MYO5B: variants seen among roughly 807,000 people sequenced by gnomAD.
The protein encoded by MYO5B is unconventional myosin-Vb.
MYO5B carries 143 observed loss-of-function variants against 229.3 expected under a neutral mutation model. That is an observed-to-expected ratio of 0.62 (90% CI 0.54 to 0.72). The LOEUF is 0.72. Among genes scored for constraint, MYO5B ranks in the 30% least tolerant of loss-of-function variants. The pLI is 0.00. For missense variants in MYO5B, 2,321 were observed against 2,331.0 expected, an observed-to-expected ratio of 1.00 and a Z score of 0.09; for synonymous variants, 918 against 885.2, an observed-to-expected ratio of 1.04 and a Z score of -0.66.
At chr18:49,859,950 G>A (rs1045169081) in intron 29 of MYO5B, among the ~76,000 whole-genome samples, 3 of 152,178 alleles carry the variant, frequency 2.0e-5, no homozygotes, top group African/African-American at 7.2e-5. Context: ...CACAGTCTCC[G>A]CTGTCCCGGA....
At chr18:49,946,274 A>T (rs1466355805) in intron 14 of MYO5B, 1 of 152,118 alleles carries the variant, frequency 6.6e-6, no homozygotes, top group Non-Finnish European at 1.5e-5. Context: ...AAAATCCAAA[A>T]TGCAAAAATA....
Position 49,990,477 on chromosome 18 carries a change from G to T in MYO5B, c.800C>A (p.Ala267Asp). 6.2e-7 allele frequency: 1 copy of T among 1,613,880 alleles called. No individual in the cohort carries two copies. Among genetic ancestry groups the T allele is most frequent in the Non-Finnish European group, 8.5e-7 (1 of 1,179,830 alleles). Residue 267 changes from alanine (A) to aspartate (D), a missense_variant, in exon 7 of 40, where the codon GCT becomes GAT. This residue lies in a region of MYO5B where 2,113 missense variants were observed against 2,044.7 expected (regional missense o/e 1.03). Coordinates refer to ENST00000285039, the MANE Select transcript of MYO5B (RefSeq NM_001080467.3). ...TTTAAATTCTGGAAGACCGGCAGCA[G>T]CACAGAGCTGGTAAAAGATGTGGTA... ...RNYHIFYQLC[A>D]AAGLPEFKEL...
intron 14 of MYO5B, among the ~76,000 whole-genome samples, chr18:49,938,768 T>C (rs1186578051): frequency 6.6e-6 from 1 of 152,188 alleles, no homozygotes; most frequent in Non-Finnish European, 1.5e-5. Flanking sequence ...CCTGCCTCTA[T>C]ACCTTTGCTT....
At chr18:50,183,445 G>A (rs771873582) in intron 1 of MYO5B, among the ~76,000 whole-genome samples, 25 of 150,672 alleles carry the variant, frequency 1.7e-4, no homozygotes, top group Non-Finnish European at 3.7e-4. Context: ...CTGGGCCTTT[G>A]ACTAAACAAG....
At chr18:49,919,933 G>A (rs1429437816) in intron 17 of MYO5B, among the ~76,000 whole-genome samples, 1 of 152,168 alleles carries the variant, frequency 6.6e-6, no homozygotes, top group Non-Finnish European at 1.5e-5. Context: ...CTGATGAACA[G>A]ATAATATAAA....
At chr18:49,941,864 T>C (rs1049014565) in intron 14 of MYO5B, among the ~76,000 whole-genome samples, 678 of 120,692 alleles carry the variant, frequency 5.6e-3, no homozygotes, top group Middle Eastern at 7.4e-3. Context: ...GAGCCCGCAT[T>C]GCCAAGTCAA....
intron 7 of MYO5B, 25 bp from the exon 8 acceptor site, chr18:49,984,850 A>G (rs1464230044): frequency 8.1e-6 from 12 of 1,480,960 alleles, no homozygotes; most frequent in Non-Finnish European, 1.1e-5. Flanking sequence ...GAAATAAGGC[A>G]TGAGGCACTG....
chr18:50,111,569 C>T (rs1213459620), intron 1 of MYO5B, among the ~76,000 whole-genome samples: 2 of 152,158 alleles, frequency 1.3e-5, no homozygotes, highest in Non-Finnish European at 2.9e-5. Context: ...AAACAGGCAC[C>T]TGCTAAAACC....
intron 17 of MYO5B, among the ~76,000 whole-genome samples, chr18:49,921,267 T>G (rs796220978): frequency 4.6e-4 from 67 of 145,056 alleles, no homozygotes; most frequent in African/African-American, 1.6e-3. Context: ...TTTTTTTTTT[T>G]TTTTTTTTTT....
chr18:49,841,300 A>G lies in MYO5B; in HGVS notation c.4701+65T>C, dbSNP rs1773241183. On this transcript the variant is annotated intron_variant, in intron 35 of 39. Coordinates refer to ENST00000285039, the MANE Select transcript of MYO5B (RefSeq NM_001080467.3). ...CCCCACTGACCTCTGAGGGTATACA[A>G]AGCACTTCTCAACCACATTTGGATG... 5 of 1,493,426 alleles carry G rather than the reference A, an allele frequency of 3.3e-6. No homozygotes were observed. The South Asian group carries it at 4.5e-5, about 13-fold the overall frequency. 92.5% of individuals were successfully genotyped at this position (1,493,426 alleles called of 1,614,324 possible).
intron 14 of MYO5B, among the ~76,000 whole-genome samples, chr18:49,951,162 A>C (rs1053812112): frequency 3.9e-5 from 6 of 152,196 alleles, no homozygotes; most frequent in African/African-American, 1.2e-4. Flanking sequence ...TCCAGGTGGA[A>C]GGGACTCTTG....
At position 50,190,814 on chromosome 18, in the gene MYO5B, A is replaced by G. The variant is rs536127451; in HGVS notation, c.27+3953T>C. Among the ~76,000 whole-genome samples, 6 of 152,338 alleles carry G rather than the reference A, an allele frequency of 3.9e-5. No homozygotes were observed. The East Asian group carries it at 1.2e-3, about 29-fold the overall frequency. The stretch of plus-strand genomic sequence containing the variant: ...TTTAAATGTTTCATATTCCAATAAT[A>G]ACATCTTCTAACTATCACAAAAGCA... On this transcript the variant is annotated intron_variant, in intron 1 of 39. Coordinates refer to ENST00000285039, the MANE Select transcript of MYO5B (RefSeq NM_001080467.3).
At chr18:49,984,913 A>T in intron 7 of MYO5B, 88 bp from the exon 8 acceptor site, 1 of 948,774 alleles carries the variant, frequency 1.1e-6, no homozygotes, top group Non-Finnish European at 1.7e-6. Flanking sequence ...CTCCGTTAGC[A>T]TGCTATCCCA....
intron 22 of MYO5B, among the ~76,000 whole-genome samples, chr18:49,892,620 T>C (rs16951181): frequency 0.061 from 9,236 of 152,270 alleles, 620 homozygotes; most frequent in African/African-American, 0.16. Flanking sequence ...TTACTCAGCA[T>C]TTATTGAAAT....
At chr18:49,856,792 G>A (rs758877186) in intron 30 of MYO5B, 21 bp downstream of exon 30, 1 of 1,601,060 alleles carries the variant, frequency 6.2e-7, no homozygotes, top group South Asian at 1.1e-5. Flanking sequence ...GCAGACACAG[G>A]AAGAAAGGAA....
At chr18:49,977,621 GA>G (rs1887706463) in intron 9 of MYO5B, among the ~76,000 whole-genome samples, 1 of 152,170 alleles carries the variant, frequency 6.6e-6, no homozygotes, top group South Asian at 2.1e-4. Flanking sequence ...TCCAGCCGAG[GA>G]AGCCAGGCTG....
chr18:49,888,306 C>T (rs1042695702), intron 22 of MYO5B, among the ~76,000 whole-genome samples: 1 of 152,166 alleles, frequency 6.6e-6, no homozygotes, highest in Non-Finnish European at 1.5e-5. Context: ...TCTCCAGGCA[C>T]TGCCATACGT....
Position 50,159,057 on chromosome 18 carries a change from A to T in MYO5B, c.27+35710T>A, listed in dbSNP as rs541649204. On this transcript the variant is annotated intron_variant, in intron 1 of 39. Coordinates refer to ENST00000285039, the MANE Select transcript of MYO5B (RefSeq NM_001080467.3). ...GAAGACTAACAACCATGAGAGACAA[A>T]GGTTTAAACTCGTTATCCTGGGGAG... is the stretch of plus-strand genomic sequence containing the variant. Among the ~76,000 whole-genome samples the T allele has an allele frequency of 3.9e-5, 6 of 152,258 alleles. No individual in the cohort carries two copies. In the East Asian group the frequency reaches 1.2e-3, roughly 29 times the overall value.
intron 22 of MYO5B, among the ~76,000 whole-genome samples, chr18:49,885,632 G>T (rs2679730): frequency 0.58 from 88,267 of 151,990 alleles, 25,782 homozygotes; most frequent in Middle Eastern, 0.67. Flanking sequence ...TCTCCTGGCT[G>T]TAAATTAAGC....
Sources: gnomAD v4.1 joint callset for allele counts (sites outside exome capture counted in the v4.1 genomes callset) on GRCh38, gnomAD v4.1.1 for gene constraint, gnomAD v4.1.1 regional missense constraint, MANE v1.5 for transcripts, NCBI Gene and HGNC (gene_info 2026-07-23, HGNC 2026-07-21) for gene names.